SH3KBP1: variants seen among roughly 807,000 people sequenced by gnomAD.
The protein encoded by SH3KBP1 is SH3 domain-containing kinase-binding protein 1.
Under a neutral mutation model 50.1 loss-of-function variants are expected in SH3KBP1, and 8 were observed. That is an observed-to-expected ratio of 0.16 (90% CI 0.09 to 0.29). The LOEUF (loss-of-function observed/expected upper bound fraction) is 0.29. Among genes scored for constraint, SH3KBP1 ranks in the 10% least tolerant of loss-of-function variants. The pLI is 1.00. For missense variants in SH3KBP1, 377 were observed against 535.2 expected, an observed-to-expected ratio of 0.70 and a Z score of 2.92; for synonymous variants, 227 against 218.6, an observed-to-expected ratio of 1.04 and a Z score of -0.34.
intron 2 of SH3KBP1, among the ~76,000 whole-genome samples, chrX:19,816,110 T>C (rs1483637142): frequency 1.8e-5 from 2 of 112,303 alleles, no homozygotes; most frequent in African/African-American, 3.2e-5. Flanking sequence ...CACTTTTCAT[T>C]CCCACCATCA....
At chrX:19,662,383 GAA>G (rs908256631) in intron 6 of SH3KBP1, among the ~76,000 whole-genome samples, 3 of 111,775 alleles carry the variant, frequency 2.7e-5, no homozygotes, top group African/African-American at 9.7e-5. Context: ...GTAAGGGACT[GAA>G]AAAAAGAGTT....
At chrX:19,592,176 A>AAAATG in intron 10 of SH3KBP1, 29 bp from the exon 11 acceptor site, 5 of 1,095,605 alleles carry the variant, frequency 4.6e-6, no homozygotes, top group Non-Finnish European at 6.3e-6. Context: ...TAGTGATCAC[A>AAAATG]AAATGTTTTC....
intron 13 of SH3KBP1, among the ~76,000 whole-genome samples, chrX:19,553,940 A>ATAATATATATTAAAATATAATATG (rs2065330326): frequency 1.4e-5 from 1 of 69,908 alleles, no homozygotes. Flanking sequence ...TATATAATAT[A>ATAATATATATTAAAATATAATATG]TAATATATAT....
chrX:19,625,608 C>T (rs1040049503), intron 8 of SH3KBP1, among the ~76,000 whole-genome samples: 2 of 111,862 alleles, frequency 1.8e-5, no homozygotes, highest in Non-Finnish European at 3.8e-5. Context: ...CCTAACAGAT[C>T]GGAAACATAG....
intron 9 of SH3KBP1, among the ~76,000 whole-genome samples, chrX:19,600,161 T>C (rs1253437267): frequency 1.9e-5 from 2 of 106,161 alleles, no homozygotes; most frequent in Admixed American, 1.0e-4. Context: ...GGCAGGGAGA[T>C]TGCCTGCACT....
At chrX:19,828,570 G>A (rs1055379816) in intron 2 of SH3KBP1, among the ~76,000 whole-genome samples, 1 of 110,257 alleles carries the variant, frequency 9.1e-6, no homozygotes, top group African/African-American at 3.3e-5. Context: ...TCACTTGAGC[G>A]CAGGAGTTGG....
chrX:19,619,307 C>A (rs2067729270), intron 8 of SH3KBP1, among the ~76,000 whole-genome samples: 1 of 111,076 alleles, frequency 9.0e-6, no homozygotes, highest in Admixed American at 9.5e-5. Context: ...AAACAAAAAC[C>A]AAAAAACAGT....
intron 6 of SH3KBP1, among the ~76,000 whole-genome samples, chrX:19,666,905 T>C (rs983121892): frequency 8.0e-5 from 9 of 112,378 alleles, no homozygotes; most frequent in Non-Finnish European, 1.7e-4. Flanking sequence ...CCAATGTACA[T>C]TGTAGCATTA....
intron 8 of SH3KBP1, among the ~76,000 whole-genome samples, chrX:19,620,664 C>T (rs1277457010): frequency 1.8e-5 from 2 of 111,738 alleles, no homozygotes; most frequent in Non-Finnish European, 3.8e-5. Flanking sequence ...GTGAAAGATC[C>T]ATGAATTACA....
At chrX:19,654,307 C>T (rs1459261098) in intron 6 of SH3KBP1, among the ~76,000 whole-genome samples, 4 of 111,557 alleles carry the variant, frequency 3.6e-5, no homozygotes, top group African/African-American at 9.8e-5. Context: ...ACTGTCTCTT[C>T]GTTGAAGCAA....
At chrX:19,636,095 G>A (rs948544241) in intron 7 of SH3KBP1, among the ~76,000 whole-genome samples, 3 of 110,041 alleles carry the variant, frequency 2.7e-5, no homozygotes, top group Non-Finnish European at 5.7e-5. Flanking sequence ...TCATCAATTG[G>A]ATGGATTTAA....
rs989288282 is a variant in SH3KBP1, at chrX:19,594,983, C to T, written c.1023G>A (p.Pro341=). 7.5e-6 allele frequency: 9 copies of T among 1,201,247 alleles called. No individual in the cohort carries two copies. The East Asian group carries it at 1.5e-4, about 20-fold the overall frequency. ...EKEGNRPKKP[P]PPSAPVIKQG... is the part of the protein sequence containing the mutation. ...GTTTGATGACAGGAGCGGATGGAGG[C>T]GGTGGCTTCTTGGGTCTCTGAAAAA... The change falls in exon 10 of 18, where the codon CCG becomes CCA. Residue 341 remains proline, a synonymous_variant. Coordinates refer to ENST00000397821, the MANE Select transcript of SH3KBP1 (RefSeq NM_031892.3).
At chrX:19,735,483 G>A (rs1049673811) in intron 3 of SH3KBP1, among the ~76,000 whole-genome samples, 1 of 109,775 alleles carries the variant, frequency 9.1e-6, no homozygotes, top group Admixed American at 9.8e-5. Flanking sequence ...TTAGCCACAG[G>A]CAGTACATTT....
chrX:19,605,599 T>C (rs2067221643), intron 9 of SH3KBP1, among the ~76,000 whole-genome samples: 1 of 111,248 alleles, frequency 9.0e-6, no homozygotes, highest in Admixed American at 9.5e-5. Flanking sequence ...TTGCCTCCAC[T>C]CACTTGGAGA....
At chrX:19,570,216 T>C (rs6629352) in intron 12 of SH3KBP1, among the ~76,000 whole-genome samples, 34,085 of 110,856 alleles carry the variant, frequency 0.31, 5,000 homozygotes, top group African/African-American at 0.58. Flanking sequence ...CAGGTACACA[T>C]GGCCTAGGCT....
chrX:19,747,541 A>G (rs2064951343), intron 2 of SH3KBP1: 1 of 317,063 alleles, frequency 3.2e-6, no homozygotes, highest in Admixed American at 3.3e-5. Flanking sequence ...AGAGATGCTA[A>G]ATTGGGTAGA....
chrX:19,585,893 G>A (rs1229099669), intron 12 of SH3KBP1, among the ~76,000 whole-genome samples: 1 of 111,815 alleles, frequency 8.9e-6, no homozygotes, highest in Non-Finnish European at 1.9e-5. Context: ...CGGCTAAGCA[G>A]GAATCTCAGG....
Position 19,588,634 on chromosome X carries a change from C to T in SH3KBP1, c.1298+9G>A. ...CACACCCGCCCCGGAGGTGAGAGCA[C>T]AGCAGTACCTGGTGTGTGTCAGCGG... On this transcript the variant is annotated intron_variant, in intron 12 of 17. Coordinates refer to ENST00000397821, the MANE Select transcript of SH3KBP1 (RefSeq NM_031892.3). 1 of 1,208,485 alleles carries T rather than the reference C, an allele frequency of 8.3e-7. No individual in the cohort carries two copies. The highest frequency in any genetic ancestry group is 1.8e-5 in the South Asian group (1 of 56,175).
intron 2 of SH3KBP1, among the ~76,000 whole-genome samples, chrX:19,826,285 A>G (rs2067668870): frequency 8.9e-6 from 1 of 111,891 alleles, no homozygotes; most frequent in South Asian, 3.7e-4. Context: ...AGTCCATCTC[A>G]TTTGAGTTTA....
Sources: allele counts gnomAD v4.1 joint callset (sites outside exome capture counted in the v4.1 genomes callset), GRCh38; gene constraint gnomAD v4.1.1; transcripts MANE v1.5; gene names NCBI Gene and HGNC (gene_info 2026-07-23, HGNC 2026-07-21).